TIAM1: variants seen among roughly 807,000 people sequenced by gnomAD.
The protein encoded by TIAM1 is TIAM Rac1 associated GEF 1.
TIAM1 carries 65 observed loss-of-function variants against 163.5 expected under a neutral mutation model. The observed-to-expected ratio is 0.40, with a 90% CI of 0.33 to 0.49. TIAM1 has a LOEUF of 0.49. Ranked by LOEUF, TIAM1 falls within the 20% of genes least tolerant of loss-of-function variation. The probability of loss-of-function intolerance (pLI) is 0.77; values close to 1 mark genes in which losing one functional copy is unlikely to be tolerated. For missense variants in TIAM1, 1,789 were observed against 2,044.7 expected, an observed-to-expected ratio of 0.87 and a Z score of 2.41; for synonymous variants, 833 against 810.1, an observed-to-expected ratio of 1.03 and a Z score of -0.48.
At chr21:31,348,190 G>A (rs1263861358), upstream of TIAM1, among the ~76,000 whole-genome samples, 1 of 152,170 alleles carries the variant, frequency 6.6e-6, no homozygotes, top group Non-Finnish European at 1.5e-5. Context: ...CCAAAAGCAA[G>A]CATTTTCTGG....
intron 2 of TIAM1, among the ~76,000 whole-genome samples, chr21:31,405,492 G>T (rs138234190): frequency 0.028 from 4,263 of 152,126 alleles, 123 homozygotes; most frequent in South Asian, 0.055. Flanking sequence ...CTTTCACACT[G>T]CTGATAAAGA....
intron 2 of TIAM1, among the ~76,000 whole-genome samples, chr21:31,306,667 TC>T (rs2074723020): frequency 6.6e-6 from 1 of 152,132 alleles, no homozygotes. Flanking sequence ...TGAGAAAACA[TC>T]TGGGCAAACC....
At chr21:31,391,045 C>T (rs1237613746) in intron 2 of TIAM1, among the ~76,000 whole-genome samples, 1 of 152,106 alleles carries the variant, frequency 6.6e-6, no homozygotes, top group Non-Finnish European at 1.5e-5. Context: ...CCAATGCCCA[C>T]GTCCAGGCCT....
intron 1 of TIAM1, among the ~76,000 whole-genome samples, chr21:31,539,270 CTTT>C (rs59981509): frequency 6.9e-6 from 1 of 144,326 alleles, no homozygotes. Flanking sequence ...ATGGGTTACT[CTTT>C]TTTTTTTTTT....
intron 1 of TIAM1, among the ~76,000 whole-genome samples, chr21:31,518,451 C>G (rs1326215150): frequency 6.6e-6 from 1 of 152,094 alleles, no homozygotes; most frequent in Non-Finnish European, 1.5e-5. Context: ...CCACGCCCAG[C>G]TAACTTTGTA....
At position 31,217,618 on chromosome 21, in the gene TIAM1, A is replaced by G; in HGVS notation, c.2077T>C (p.Phe693Leu). The G allele has an allele frequency of 6.2e-7, 1 of 1,613,918 alleles. No individual in the cohort carries two copies. Among genetic ancestry groups the G allele is most frequent in the Non-Finnish European group, 8.5e-7 (1 of 1,179,952 alleles). The change falls in exon 9 of 28, where the codon TTT becomes CTT. Residue 693 changes from phenylalanine to leucine, a missense_variant. Transcript: ENST00000541036. The stretch of plus-strand genomic sequence containing the variant: ...GTATCCAGACCCCACAGAGAAGAAA[A>G]CCTGCTCCTTCGCTTGCTCGCGGAT... Reference protein sequence around the residue: ...SRSASKRRSRFSSLWGLDTTS... With the variant: ...SRSASKRRSRLSSLWGLDTTS...
At chr21:31,230,689 C>T (rs1012316136) in intron 6 of TIAM1, among the ~76,000 whole-genome samples, 6 of 152,142 alleles carry the variant, frequency 3.9e-5, no homozygotes, top group African/African-American at 1.4e-4. Flanking sequence ...GGGAGCCACA[C>T]ACCCAGCTAG....
chr21:31,250,033 C>T (rs557638363), intron 5 of TIAM1, among the ~76,000 whole-genome samples: 4 of 151,060 alleles, frequency 2.6e-5, no homozygotes, highest in Non-Finnish European at 5.9e-5. Flanking sequence ...GTAGTCCCAG[C>T]TACTTGGGAG....
chr21:31,466,376 A>G (rs991520671), intron 1 of TIAM1, among the ~76,000 whole-genome samples: 1 of 152,036 alleles, frequency 6.6e-6, no homozygotes, highest in Non-Finnish European at 1.5e-5. Context: ...GGGACAAGGA[A>G]CTTGATCAGG....
chr21:31,174,278 C>A (rs139728311), intron 15 of TIAM1, among the ~76,000 whole-genome samples: 4 of 152,250 alleles, frequency 2.6e-5, no homozygotes, highest in African/African-American at 9.6e-5. Context: ...GCAGACCAAG[C>A]GGCTGTCCGT....
At chr21:31,148,004 C>CAAAAAAAA (rs34410316) in intron 19 of TIAM1, among the ~76,000 whole-genome samples, 3 of 63,774 alleles carry the variant, frequency 4.7e-5, no homozygotes, top group African/African-American at 1.2e-4. Context: ...TGTCCATGAC[C>CAAAAAAAA]AAAAAAAAAA....
At chr21:31,146,649 C>T (rs374330432) in intron 20 of TIAM1, among the ~76,000 whole-genome samples, 73 of 148,770 alleles carry the variant, frequency 4.9e-4, no homozygotes, top group African/African-American at 1.6e-3. Flanking sequence ...AGGCAGAGGT[C>T]GCAGTGAGCC....
chr21:31,474,094 A>G (rs2045853112), intron 1 of TIAM1, among the ~76,000 whole-genome samples: 1 of 152,152 alleles, frequency 6.6e-6, no homozygotes, highest in African/African-American at 2.4e-5. Flanking sequence ...AGCTCTTCAA[A>G]CAATCAGCTC....
intron 15 of TIAM1, among the ~76,000 whole-genome samples, chr21:31,166,212 A>G (rs1248778121): frequency 6.6e-6 from 1 of 152,098 alleles, no homozygotes; most frequent in East Asian, 1.9e-4. Context: ...AACATTAAAA[A>G]CCTTCTCTAA....
intron 9 of TIAM1, among the ~76,000 whole-genome samples, chr21:31,215,568 GAAAAAAAAAAA>G (rs398040071): frequency 4.0e-5 from 3 of 75,546 alleles, no homozygotes; most frequent in East Asian, 3.4e-4. Flanking sequence ...TCTCAAAAAA[GAAAAAAAAAAA>G]AAAAAAAAAA....
rs1222612811 is a variant in TIAM1 at position 31,431,817 on chromosome 21, G to GA, written c.-369+32165dup. On this transcript the variant is annotated intron_variant, in intron 2 of 28. Transcript: ENST00000286827. ...GTGTATCTAAACATATCCCAATAAA[G>GA]AAAAAAATACAGTCAAAATATGAGA... Among the ~76,000 whole-genome samples the GA allele has an allele frequency of 5.9e-5, 9 of 152,058 alleles. No homozygotes were observed. The East Asian group carries it at 1.2e-3, about 20-fold the overall frequency.
intron 1 of TIAM1, among the ~76,000 whole-genome samples, chr21:31,496,543 A>C (rs1026362965): frequency 1.3e-5 from 2 of 151,954 alleles, no homozygotes; most frequent in African/African-American, 4.8e-5. Context: ...GTTACAACAG[A>C]GTCAAGTTTT....
chr21:31,416,160 T>C lies in TIAM1; in HGVS notation c.-369+47823A>G, dbSNP rs145596452. Among the ~76,000 whole-genome samples the C allele has an allele frequency of 4.1e-3, 620 of 152,208 alleles. 2 individuals carry two copies. Among genetic ancestry groups the C allele is most frequent in the African/African-American group, 0.013 (546 of 41,526 alleles). ...CCTCTCGCCAAATCCTCACAAATCC[T>C]ATATACCAGCCCCATAGGACAACTC... On this transcript the variant is annotated intron_variant, in intron 2 of 28. Coordinates refer to the TIAM1 transcript ENST00000286827.
intron 1 of TIAM1, among the ~76,000 whole-genome samples, chr21:31,536,208 T>C (rs1303425082): frequency 6.6e-6 from 1 of 152,224 alleles, no homozygotes; most frequent in African/African-American, 2.4e-5. Flanking sequence ...TAGGTTCTAT[T>C]ATTTTCCCCA....
Sources: gnomAD v4.1 joint callset for allele counts (sites outside exome capture counted in the v4.1 genomes callset) on GRCh38, gnomAD v4.1.1 for gene constraint, MANE v1.5 for transcripts, NCBI Gene and HGNC (gene_info 2026-07-23, HGNC 2026-07-21) for gene names.